The following TANGO6 variants were observed in gnomAD, a reference collection of about 807,000 sequenced individuals.
TANGO6 encodes the protein transport and golgi organization 6 homolog.
TANGO6 carries 90 observed loss-of-function variants against 114.2 expected under a neutral mutation model. The ratio of observed to expected loss-of-function variants is 0.79; its 90% confidence interval spans 0.66 to 0.94. The LOEUF (loss-of-function observed/expected upper bound fraction) is 0.94, where lower values mean the gene tolerates loss of function less well. Among genes scored for constraint, TANGO6 ranks in the 40% least tolerant of loss-of-function variants. The probability of loss-of-function intolerance (pLI) is 0.00; values close to 1 mark genes in which losing one functional copy is unlikely to be tolerated. For missense variants in TANGO6, 1,274 were observed against 1,315.3 expected, an observed-to-expected ratio of 0.97 and a Z score of 0.49; for synonymous variants, 477 against 509.8, an observed-to-expected ratio of 0.94 and a Z score of 0.87.
intron 17 of TANGO6, among the ~76,000 whole-genome samples, chr16:69,067,335 C>A (rs377656020): frequency 6.7e-6 from 1 of 149,670 alleles, no homozygotes; most frequent in Admixed American, 6.7e-5. Flanking sequence ...ATGGTGAAAC[C>A]CCATCTCTAC....
At chr16:68,862,006 A>T (rs1472932464) in intron 2 of TANGO6, among the ~76,000 whole-genome samples, 1 of 151,848 alleles carries the variant, frequency 6.6e-6, no homozygotes, top group Non-Finnish European at 1.5e-5. Flanking sequence ...ATAGATGGAG[A>T]CATCTATTTT....
intron 7 of TANGO6, among the ~76,000 whole-genome samples, chr16:68,898,314 T>G (rs762751225): frequency 6.6e-6 from 1 of 152,108 alleles, no homozygotes; most frequent in Non-Finnish European, 1.5e-5. Context: ...TCAGGAGGCT[T>G]AAGGGATGTG....
rs550663615 is a variant in TANGO6 at position 68,901,692 on chromosome 16, T to A, written c.1491-636T>A. ...TTAGTAGAGACAGTGTTTCACCATG[T>A]GGCCAGCCTGGTCTCGAACTCCTGA... On this transcript the variant is annotated intron_variant, in intron 8 of 17. Transcript: ENST00000261778. Among the ~76,000 whole-genome samples the A allele has an allele frequency of 3.3e-5, 5 of 152,260 alleles. No homozygotes were observed. In the East Asian group the frequency reaches 9.7e-4, roughly 29 times the overall value.
intron 17 of TANGO6, among the ~76,000 whole-genome samples, chr16:69,048,103 GAC>G (rs1383906085): frequency 6.6e-6 from 1 of 151,536 alleles, no homozygotes; most frequent in Non-Finnish European, 1.5e-5. Context: ...CTTTTTATAA[GAC>G]AGAGTCTTGC....
rs1362687516 is a variant in TANGO6, at chr16:68,928,055, C to T, written c.2615C>T (p.Ala872Val). The T allele has an allele frequency of 6.3e-7, 1 of 1,592,388 alleles. No homozygotes were observed. Among genetic ancestry groups the T allele is most frequent in the Non-Finnish European group, 8.6e-7 (1 of 1,169,104 alleles). ...SHWIEQREAKALEMQEKLLKI... is the reference protein window; with the variant it reads ...SHWIEQREAKVLEMQEKLLKI... The stretch of plus-strand genomic sequence containing the variant: ...TGGATAGAGCAGAGAGAAGCAAAAG[C>T]CCTTGAGATGCAAGAGAAGCTTCTC... Residue 872 changes from alanine (A) to valine (V), a missense_variant, in exon 13 of 18, where the codon GCC becomes GTC. By Grantham distance (64) the Ala-to-Val change is moderately conservative. Around this residue, in one of 5 missense-constraint regions of TANGO6, gnomAD observed 10 missense variants for 29.9 expected, o/e 0.33. Coordinates refer to ENST00000261778, the MANE Select transcript of TANGO6 (RefSeq NM_024562.2).
At position 68,927,624 on chromosome 16, in the gene TANGO6, A is replaced by T. The variant is rs967523355; in HGVS notation, c.2184A>T (p.Val728=). The change falls in exon 13 of 18, where the codon GTA becomes GTT. Residue 728 remains valine (V), a synonymous_variant. Coordinates refer to ENST00000261778, the MANE Select transcript of TANGO6 (RefSeq NM_024562.2). ...LKQLLPLLEK[V]SNTYPDPVIQ... is the part of the protein sequence containing the mutation. ...AGTTGTTGCCTCTGTTGGAGAAGGTATCCAACACATACCCTGATCCGGTCA... is the reference window on the plus strand; with the variant it reads ...AGTTGTTGCCTCTGTTGGAGAAGGTTTCCAACACATACCCTGATCCGGTCA... 2 of 1,613,946 alleles carry T rather than the reference A, an allele frequency of 1.2e-6. No homozygotes were observed. Among genetic ancestry groups the T allele is most frequent in the Non-Finnish European group, 1.7e-6 (2 of 1,179,844 alleles).
At chr16:68,969,012 G>A (rs1450578175) in intron 14 of TANGO6, among the ~76,000 whole-genome samples, 2 of 152,000 alleles carry the variant, frequency 1.3e-5, no homozygotes, top group Non-Finnish European at 2.9e-5. Flanking sequence ...AATATTCTAC[G>A]CACTGCCTCC....
chr16:68,939,475 A>G lies in TANGO6; in HGVS notation c.2701+9180A>G, dbSNP rs138276315. Among the ~76,000 whole-genome samples, 703 of 152,312 alleles carry G rather than the reference A, an allele frequency of 4.6e-3. 18 individuals carry two copies. The highest frequency in any genetic ancestry group is 0.04 in the Admixed American group (604 of 15,290). On this transcript the variant is annotated intron_variant, in intron 14 of 17. Transcript: ENST00000261778. ...GTATTTTATGACTTGCTTGCATTAA[A>G]CAGAAAATTGCCAACTTTAGAAAAG...
chr16:68,860,113 C>T lies in TANGO6; in HGVS notation c.324C>T (p.Thr108=). 6.2e-7 allele frequency: 1 copy of T among 1,613,972 alleles called. No homozygotes were observed. Among genetic ancestry groups the T allele is most frequent in the Admixed American group, 1.7e-5 (1 of 60,008 alleles). ...TGTTGCTTTTGTGCTTGAAGGAAAC[C>T]ATGATCCGCCTTGCAGCTAATTTCA... is the stretch of plus-strand genomic sequence containing the variant. ...TLLLLLCLKE[T]MIRLAANFNP... is the part of the protein sequence containing the mutation. The change falls in exon 2 of 18, where the codon ACC becomes ACT. Residue 108 remains threonine (T), a synonymous_variant. Transcript: ENST00000261778.
chr16:68,974,860 G>T (rs1180617780), intron 15 of TANGO6, among the ~76,000 whole-genome samples: 6 of 151,970 alleles, frequency 3.9e-5, no homozygotes, highest in African/African-American at 1.4e-4. Flanking sequence ...CCTGGCAGGA[G>T]TTCAAGTCCA....
chr16:68,958,367 T>C (rs994175376), intron 14 of TANGO6, among the ~76,000 whole-genome samples: 6 of 150,256 alleles, frequency 4.0e-5, no homozygotes, highest in African/African-American at 1.5e-4. Context: ...TGCATGCCTG[T>C]AATCTCAGCT....
intron 17 of TANGO6, among the ~76,000 whole-genome samples, chr16:69,061,015 A>T (rs965455864): frequency 6.6e-6 from 1 of 152,126 alleles, no homozygotes; most frequent in South Asian, 2.1e-4. Flanking sequence ...AAAACAAAAA[A>T]ATAAAAGACT....
intron 15 of TANGO6, among the ~76,000 whole-genome samples, chr16:69,006,522 T>C (rs1030986120): frequency 2.0e-5 from 3 of 151,956 alleles, no homozygotes; most frequent in Non-Finnish European, 4.4e-5. Flanking sequence ...GGAAAGTGGA[T>C]CACCTGAGGT....
chr16:68,977,493 C>T (rs1455566860), intron 15 of TANGO6, among the ~76,000 whole-genome samples: 2 of 150,828 alleles, frequency 1.3e-5, no homozygotes, highest in Non-Finnish European at 3.0e-5. Flanking sequence ...AGACGACGAT[C>T]AAGAGATCGA....
chr16:68,973,702 C>A (rs772167703), intron 14 of TANGO6, among the ~76,000 whole-genome samples: 1 of 152,180 alleles, frequency 6.6e-6, no homozygotes, highest in Non-Finnish European at 1.5e-5. Flanking sequence ...GCTCCCATCA[C>A]TGGCAGTTCC....
At chr16:68,998,662 C>T (rs1167669476) in intron 15 of TANGO6, among the ~76,000 whole-genome samples, 1 of 148,534 alleles carries the variant, frequency 6.7e-6, no homozygotes, top group African/African-American at 2.5e-5. Flanking sequence ...ACCTGGAAGG[C>T]GGAGGTTGCA....
intron 2 of TANGO6, among the ~76,000 whole-genome samples, chr16:68,861,009 T>C (rs1380176800): frequency 6.6e-6 from 1 of 152,158 alleles, no homozygotes. Flanking sequence ...ATGTTCATTG[T>C]TATTATTAGG....
rs1163518611 is a variant in TANGO6, at chr16:68,843,559, G to A, written c.-59G>A. On this transcript the variant is annotated 5_prime_UTR_variant, in exon 1 of 18. Transcript: ENST00000261778. ...GCCTTCTGCCACACTTAACATGGCG[G>A]CGGCGGCGCCCTGCCGAGGCGCCTG... 11 of 1,537,470 alleles carry A rather than the reference G, an allele frequency of 7.2e-6. No individual in the cohort carries two copies. Among genetic ancestry groups the A allele is most frequent in the Non-Finnish European group, 9.8e-6 (11 of 1,121,584 alleles).
At chr16:69,030,058 A>C (rs1310745021) in intron 16 of TANGO6, among the ~76,000 whole-genome samples, 1 of 150,886 alleles carries the variant, frequency 6.6e-6, no homozygotes, top group African/African-American at 2.4e-5. Context: ...CAGTGAGCCA[A>C]GATCATGCCA....
Sources: allele counts gnomAD v4.1 joint callset (sites outside exome capture counted in the v4.1 genomes callset), GRCh38; gene constraint gnomAD v4.1.1; regional missense constraint gnomAD v4.1.1; transcripts MANE v1.5; gene names NCBI Gene and HGNC (gene_info 2026-07-23, HGNC 2026-07-21).